RARS2: variants seen among roughly 807,000 people sequenced by gnomAD.
RARS2 encodes arginyl-tRNA synthetase 2, mitochondrial.
Under a neutral mutation model 88.5 loss-of-function variants are expected in RARS2, and 67 were observed. That is an observed-to-expected ratio of 0.76 (90% confidence interval 0.62 to 0.93). The LOEUF (loss-of-function observed/expected upper bound fraction) is 0.93, where lower values mean the gene tolerates loss of function less well. Ranked by LOEUF, RARS2 falls within the 40% of genes least tolerant of loss-of-function variation. RARS2 has a pLI of 0.00. For missense variants in RARS2, 664 were observed against 684.2 expected, an observed-to-expected ratio of 0.97 and a Z score of 0.33; for synonymous variants, 239 against 230.3, an observed-to-expected ratio of 1.04 and a Z score of -0.34.
intron 1 of RARS2, among the ~76,000 whole-genome samples, chr6:87,576,409 T>A (rs35762450): frequency 0.11 from 12,344 of 108,204 alleles, 3,403 homozygotes; most frequent in African/African-American, 0.24. Context: ...CCCGAGTAGC[T>A]GGGACTACAG....
chr6:87,528,665 C>T (rs1379977534), intron 10 of RARS2, among the ~76,000 whole-genome samples: 3 of 152,156 alleles, frequency 2.0e-5, no homozygotes, highest in Non-Finnish European at 4.4e-5. Context: ...TATAGTCTCA[C>T]ATGTGGAATC....
rs114050423 is a variant in RARS2 at position 87,564,282 on chromosome 6, G to T, written c.111-50C>A. 4.0e-4 allele frequency: 539 copies of T among 1,332,348 alleles called. 1 individual carries two copies. The African/African-American group carries it at 6.5e-3, about 16-fold the overall frequency. 82.5% of individuals were successfully genotyped at this position (1,332,348 alleles called of 1,614,324 possible). The stretch of plus-strand genomic sequence containing the variant: ...TAGAACTGTTACCTTAAAAGCATTA[G>T]TTGTTAAACAAAGACTAATCACTAT... On this transcript the variant is annotated intron_variant, in intron 2 of 19. Transcript: ENST00000369536.
At chr6:87,577,596 T>G (rs1055675296) in intron 1 of RARS2, among the ~76,000 whole-genome samples, 1 of 152,238 alleles carries the variant, frequency 6.6e-6, no homozygotes, top group African/African-American at 2.4e-5. Flanking sequence ...TACAGCCAAT[T>G]AAGCCATATA....
At chr6:87,567,841 G>A (rs375476594) in intron 2 of RARS2, among the ~76,000 whole-genome samples, 9 of 152,184 alleles carry the variant, frequency 5.9e-5, no homozygotes, top group African/African-American at 1.9e-4. Context: ...GCGAGATCTC[G>A]GCTCACTCTA....
intron 10 of RARS2, 61 bp from the exon 11 acceptor site, chr6:87,524,713 AT>A: frequency 1.6e-6 from 2 of 1,245,882 alleles, no homozygotes; most frequent in South Asian, 2.4e-5. Context: ...TAAAATTTTA[AT>A]ATCTAAAACA....
chr6:87,551,626 CAAAAAAA>C (rs71018036), intron 5 of RARS2, among the ~76,000 whole-genome samples: 4 of 65,166 alleles, frequency 6.1e-5, no homozygotes, highest in South Asian at 7.3e-4. Flanking sequence ...TCCGTCTCAA[CAAAAAAA>C]AAAAAAAAAA....
chr6:87,531,084 C>T, intron 8 of RARS2, 142 bp from the exon 9 acceptor site: 1 of 1,346,078 alleles, frequency 7.4e-7, no homozygotes, highest in Non-Finnish European at 1.0e-6. Context: ...GTAACTTTTT[C>T]TTTTTTGCCA....
Position 87,518,890 on chromosome 6 carries a change from T to C in RARS2, c.1239A>G (p.Thr413=). Residue 413 remains threonine, a splice_region_variant and synonymous_variant, in exon 15 of 20, where the codon ACA becomes ACG. Transcript: ENST00000369536. ...CTTGTGGGTTCTTGAGTTCTTTAGT[T>C]GCTGAAACAGACAAAGGCAGCTATC... The part of the protein sequence containing the change: ...RMLQNMASIK[T]TKELKNPQET... The C allele has an allele frequency of 6.2e-7, 1 of 1,613,996 alleles. No individual in the cohort carries two copies. Among genetic ancestry groups the C allele is most frequent in the Non-Finnish European group, 8.5e-7 (1 of 1,179,930 alleles).
chr6:87,521,290 TA>T (rs1277884278), intron 12 of RARS2, among the ~76,000 whole-genome samples, 173 bp downstream of exon 12: 8 of 152,242 alleles, frequency 5.3e-5, no homozygotes, highest in Admixed American at 5.2e-4. Context: ...TGAAGCAATG[TA>T]AACTTTTTCA....
Position 87,521,573 on chromosome 6 carries a change from A to C in RARS2, c.975-49T>G. On this transcript the variant is annotated intron_variant, in intron 11 of 19. Transcript: ENST00000369536. The stretch of plus-strand genomic sequence containing the variant: ...AAGAGTTACTAAGCAGATCCGGGTA[A>C]TAATTGGTCTTACCTATTTAATAGC... 3 of 1,446,812 alleles carry C rather than the reference A, an allele frequency of 2.1e-6. No individual in the cohort carries two copies. In the South Asian group the frequency reaches 3.4e-5, roughly 17 times the overall value. 89.6% of individuals were successfully genotyped at this position (1,446,812 alleles called of 1,614,324 possible).
chr6:87,527,026 C>A (rs1385141548), intron 10 of RARS2, among the ~76,000 whole-genome samples: 1 of 151,734 alleles, frequency 6.6e-6, no homozygotes, highest in African/African-American at 2.4e-5. Flanking sequence ...AAGGGACAGT[C>A]TCGGCCAGGC....
intron 7 of RARS2, among the ~76,000 whole-genome samples, chr6:87,545,399 T>C (rs982931331): frequency 6.6e-6 from 1 of 151,758 alleles, no homozygotes; most frequent in South Asian, 2.1e-4. Flanking sequence ...CTTCTTTGAA[T>C]GTGTGAAGTT....
At chr6:87,538,268 G>A (rs1779807376) in intron 8 of RARS2, among the ~76,000 whole-genome samples, 1 of 152,156 alleles carries the variant, frequency 6.6e-6, no homozygotes, top group Non-Finnish European at 1.5e-5. Flanking sequence ...GCCTTCTTTT[G>A]TCTTTAAATG....
chr6:87,539,572 C>T (rs1780258293), intron 8 of RARS2, among the ~76,000 whole-genome samples: 1 of 152,156 alleles, frequency 6.6e-6, no homozygotes, highest in African/African-American at 2.4e-5. Context: ...CTTTGTTCTC[C>T]CCTGCCTTTG....
chr6:87,547,690 CTG>C (rs1387613484), intron 6 of RARS2, among the ~76,000 whole-genome samples: 1 of 151,638 alleles, frequency 6.6e-6, no homozygotes, highest in Non-Finnish European at 1.5e-5. Context: ...GTCACCCAGG[CTG>C]TAGTGCAGTG....
intron 5 of RARS2, among the ~76,000 whole-genome samples, chr6:87,554,050 T>C (rs1004833199): frequency 4.6e-5 from 7 of 152,194 alleles, no homozygotes; most frequent in Non-Finnish European, 1.0e-4. Context: ...ACTGCAATAA[T>C]GAGTTAGTAA....
chr6:87,569,661 G>A (rs1215748922), intron 1 of RARS2, 71 bp from the exon 2 acceptor site: 8 of 1,196,594 alleles, frequency 6.7e-6, no homozygotes, highest in Non-Finnish European at 1.0e-5. Flanking sequence ...AATACCACTT[G>A]TAAGAATAAA....
In RARS2 at chr6:87,535,226, A is replaced by C. The variant is rs1040695731; in HGVS notation, c.613-4284T>G. 1.2e-4 allele frequency among the ~76,000 whole-genome samples: 19 copies of C among 152,226 alleles called. 1 individual carries two copies. The highest frequency in any genetic ancestry group is 2.9e-5 in the Non-Finnish European group (2 of 68,032). The stretch of plus-strand genomic sequence containing the variant: ...AAAACAATGATGAAATCTTGAACGC[A>C]ATTTTTCATAAAATAAAAACTTCAA... On this transcript the variant is annotated intron_variant, in intron 8 of 19. Transcript: ENST00000369536.
chr6:87,551,193 T>C (rs979205262), intron 5 of RARS2, among the ~76,000 whole-genome samples: 6 of 152,178 alleles, frequency 3.9e-5, no homozygotes, highest in Admixed American at 1.3e-4. Flanking sequence ...GAGAAGGGAA[T>C]ACAATGAAAT....
Sources: allele counts gnomAD v4.1 joint callset (sites outside exome capture counted in the v4.1 genomes callset), GRCh38; gene constraint gnomAD v4.1.1; transcripts MANE v1.5; gene names NCBI Gene and HGNC (gene_info 2026-07-23, HGNC 2026-07-21).